GALNT17: variants seen among roughly 807,000 people sequenced by gnomAD.
GALNT17 encodes the protein polypeptide N-acetylgalactosaminyltransferase 17.
Under a neutral mutation model 63.7 loss-of-function variants are expected in GALNT17, and 29 were observed. The ratio of observed to expected loss-of-function variants is 0.46; its 90% CI spans 0.34 to 0.62. The LOEUF (loss-of-function observed/expected upper bound fraction) is 0.62. Among genes scored for constraint, GALNT17 ranks in the 20% least tolerant of loss-of-function variants. The pLI, the probability that GALNT17 is intolerant of heterozygous loss-of-function variation, is 0.01. For missense variants in GALNT17, 603 were observed against 799.6 expected (o/e 0.75, Z 2.97); for synonymous variants, 305 against 318.3 (o/e 0.96, Z 0.45).
rs113825463 is a variant in GALNT17, at chr7:71,665,212, A to G, written c.1081-199A>G. The stretch of plus-strand genomic sequence containing the variant: ...GGCTGGTCTCCAACTCCTGACCTCA[A>G]GTGATCTGCCCACCTCAGCCTCCCA... On this transcript the variant is annotated intron_variant, in intron 6 of 10. Transcript: ENST00000333538. Among the ~76,000 whole-genome samples the G allele has an allele frequency of 6.5e-3, 995 of 152,226 alleles. 12 individuals are homozygous for G. Among genetic ancestry groups the G allele is most frequent in the African/African-American group, 0.023 (957 of 41,560 alleles).
intron 9 of GALNT17, among the ~76,000 whole-genome samples, chr7:71,704,477 A>ATGC (rs1791695014): frequency 7.2e-6 from 1 of 138,732 alleles, no homozygotes; most frequent in African/African-American, 2.6e-5. Flanking sequence ...CCCTATCAAA[A>ATGC]TGCCAACTGC....
intron 5 of GALNT17, among the ~76,000 whole-genome samples, chr7:71,570,563 G>A (rs529098217): frequency 3.9e-5 from 6 of 152,138 alleles, no homozygotes; most frequent in Non-Finnish European, 8.8e-5. Context: ...CCATCACTCA[G>A]CTGTCAACAG....
chr7:71,448,569 T>G (rs1024729573), intron 5 of GALNT17, among the ~76,000 whole-genome samples: 1 of 152,198 alleles, frequency 6.6e-6, no homozygotes, highest in African/African-American at 2.4e-5. Flanking sequence ...TCAAGGGTTC[T>G]TTTTGGTTCT....
At chr7:71,236,905 A>G (rs993323332) in intron 1 of GALNT17, among the ~76,000 whole-genome samples, 2 of 152,200 alleles carry the variant, frequency 1.3e-5, no homozygotes, top group African/African-American at 2.4e-5. Context: ...CCTCTGCTCT[A>G]TTTTTGTCTG....
At chr7:71,171,726 G>A (rs1788550935) in intron 1 of GALNT17, among the ~76,000 whole-genome samples, 1 of 152,210 alleles carries the variant, frequency 6.6e-6, no homozygotes, top group Admixed American at 6.5e-5. Context: ...GAGGTTGAAT[G>A]TGGAAATGCA....
At chr7:71,234,278 T>C (rs1322709242) in intron 1 of GALNT17, among the ~76,000 whole-genome samples, 3 of 152,208 alleles carry the variant, frequency 2.0e-5, no homozygotes, top group Non-Finnish European at 2.9e-5. Flanking sequence ...ATTTATTTAT[T>C]TGAGTCAGAG....
At chr7:71,458,868 CGGGGTTT>C (rs1034518772) in intron 5 of GALNT17, among the ~76,000 whole-genome samples, 15 of 151,948 alleles carry the variant, frequency 9.9e-5, no homozygotes, top group African/African-American at 3.4e-4. Flanking sequence ...GCTGGGGGTT[CGGGGTTT>C]ATATGGGTAC....
chr7:71,365,086 C>A (rs961262750), intron 2 of GALNT17, among the ~76,000 whole-genome samples: 1 of 151,756 alleles, frequency 6.6e-6, no homozygotes, highest in Non-Finnish European at 1.5e-5. Context: ...CTGTGCAACA[C>A]CATGCCTGGC....
chr7:71,547,544 C>T (rs1789006579), intron 5 of GALNT17, among the ~76,000 whole-genome samples: 1 of 152,102 alleles, frequency 6.6e-6, no homozygotes, highest in African/African-American at 2.4e-5. Flanking sequence ...GCCTTTCCCT[C>T]TCAAAGTGCT....
At chr7:71,245,024 A>C (rs551288281) in intron 1 of GALNT17, among the ~76,000 whole-genome samples, 1 of 152,046 alleles carries the variant, frequency 6.6e-6, no homozygotes, top group Non-Finnish European at 1.5e-5. Context: ...GATGTTTCTC[A>C]GGAAAAGCAA....
At chr7:71,436,486 G>A (rs1013173660) in intron 5 of GALNT17, among the ~76,000 whole-genome samples, 7 of 152,092 alleles carry the variant, frequency 4.6e-5, no homozygotes, top group South Asian at 2.1e-4. Flanking sequence ...TTGGGAGGCC[G>A]AGGCAGGCAG....
chr7:71,522,823 G>A (rs907103147), intron 5 of GALNT17, among the ~76,000 whole-genome samples: 4 of 152,128 alleles, frequency 2.6e-5, no homozygotes, highest in Admixed American at 1.3e-4. Context: ...GAGGATGTTC[G>A]GATCAGTAGG....
intron 5 of GALNT17, among the ~76,000 whole-genome samples, chr7:71,464,510 G>T (rs1787503934): frequency 6.6e-6 from 1 of 152,054 alleles, no homozygotes; most frequent in African/African-American, 2.4e-5. Flanking sequence ...GCTCTCTTTT[G>T]GGACTCCCCT....
At chr7:71,387,821 A>C (rs758432625) in intron 2 of GALNT17, among the ~76,000 whole-genome samples, 11 of 152,096 alleles carry the variant, frequency 7.2e-5, no homozygotes, top group African/African-American at 9.7e-5. Flanking sequence ...TATGCCTGGG[A>C]CTGATGCCTG....
chr7:71,195,666 GCCT>G (rs1322038156), intron 1 of GALNT17, among the ~76,000 whole-genome samples: 2 of 150,410 alleles, frequency 1.3e-5, no homozygotes, highest in African/African-American at 4.9e-5. Context: ...TCTCTCCTCA[GCCT>G]CCTAAGTAGC....
In GALNT17 at chr7:71,389,722, C is replaced by T. The variant is rs1265935445; in HGVS notation, c.589+1321C>T. Among the ~76,000 whole-genome samples, 5 of 152,192 alleles carry T rather than the reference C, an allele frequency of 3.3e-5. No individual in the cohort carries two copies. The East Asian group carries it at 7.8e-4, about 24-fold the overall frequency. ...CGCACCCCATCTTTGTTGTCCTTCTCCAAAAAGCGAAATAAAAAATTCCAT... is the reference window on the plus strand; with the variant it reads ...CGCACCCCATCTTTGTTGTCCTTCTTCAAAAAGCGAAATAAAAAATTCCAT... On this transcript the variant is annotated intron_variant, in intron 3 of 10. Coordinates refer to ENST00000333538, the MANE Select transcript of GALNT17 (RefSeq NM_022479.3).
intron 1 of GALNT17, among the ~76,000 whole-genome samples, chr7:71,136,521 G>T (rs1421864239): frequency 6.6e-6 from 1 of 151,850 alleles, no homozygotes; most frequent in Non-Finnish European, 1.5e-5. Flanking sequence ...GAGTCTCGCT[G>T]TGTCGCCAGG....
At chr7:71,489,054 T>C in intron 5 of GALNT17, among the ~76,000 whole-genome samples, 1 of 149,098 alleles carries the variant, frequency 6.7e-6, no homozygotes, top group East Asian at 2.0e-4. Flanking sequence ...CCACCACACC[T>C]CGCAAATTTT....
intron 6 of GALNT17, among the ~76,000 whole-genome samples, chr7:71,600,499 C>G (rs1789951276): frequency 6.6e-6 from 1 of 152,038 alleles, no homozygotes; most frequent in Non-Finnish European, 1.5e-5. Context: ...GGTACCGTGC[C>G]CAGTGGTCTG....
Sources: gnomAD v4.1 joint callset for allele counts (sites outside exome capture counted in the v4.1 genomes callset) on GRCh38, gnomAD v4.1.1 for gene constraint, MANE v1.5 for transcripts, NCBI Gene and HGNC (gene_info 2026-07-23, HGNC 2026-07-21) for gene names.